Variants in BAZ2B observed in about 807,000 individuals in gnomAD.
BAZ2B encodes the protein bromodomain adjacent to zinc finger domain 2B, also known as bromodomain adjacent to zinc finger domain protein 2B.
BAZ2B carries 91 observed loss-of-function variants against 246.0 expected under a neutral mutation model. That is an observed-to-expected ratio of 0.37 (90% CI 0.31 to 0.44). BAZ2B has a LOEUF of 0.44. BAZ2B is among the 20% of genes least tolerant of loss of function. The pLI is 1.00. For missense variants in BAZ2B, 2,332 were observed against 2,533.7 expected (o/e 0.92, Z 1.71); for synonymous variants, 855 against 860.0 (o/e 0.99, Z 0.10).
At chr2:159,651,796 A>G in the BAZ2B span, among the ~76,000 whole-genome samples, 1 of 152,106 alleles carries the variant, frequency 6.6e-6, no homozygotes, top group Non-Finnish European at 1.5e-5. Flanking sequence ...GGAGCCATAA[A>G]ATATGTGGTC....
At chr2:159,606,027 T>A (rs1255313554) in intron 1 of BAZ2B, among the ~76,000 whole-genome samples, 1 of 152,248 alleles carries the variant, frequency 6.6e-6, no homozygotes, top group East Asian at 1.9e-4. Context: ...AACTTTTACT[T>A]CAAATCCCCA....
intron 2 of BAZ2B, chr2:159,555,445 A>C (rs2088981882): frequency 6.6e-6 from 1 of 152,042 alleles, no homozygotes; most frequent in South Asian, 2.1e-4. Context: ...AATCTCAAGT[A>C]ATTTACTTTT....
At chr2:159,517,706 C>G (rs1462854569) in intron 2 of BAZ2B, among the ~76,000 whole-genome samples, 1 of 152,038 alleles carries the variant, frequency 6.6e-6, no homozygotes, top group Non-Finnish European at 1.5e-5. Flanking sequence ...AGAATGATAA[C>G]AAATAACAAA....
rs1262194449 is a variant in BAZ2B, at chr2:159,349,228, C to T, written c.4916G>A (p.Gly1639Asp). 3 of 1,613,958 alleles carry T rather than the reference C, an allele frequency of 1.9e-6. No homozygotes were observed. In the East Asian group the frequency reaches 6.7e-5, roughly 36 times the overall value. The change falls in exon 29 of 37, where the codon GGT becomes GAT. Residue 1639 changes from glycine to aspartate, a missense_variant. Around this residue, in one of 9 missense-constraint regions of BAZ2B, gnomAD observed 676 missense variants for 668.6 expected, o/e 1.01. Transcript: ENST00000392783. ...MGLQFCGWPT[G>D]VVTSNIPFTS... ...AAATGGAATATTAGAAGTAACCACACCAGTGGGCCATCCACAAAACTGAAG... is the reference window on the plus strand; with the variant it reads ...AAATGGAATATTAGAAGTAACCACATCAGTGGGCCATCCACAAAACTGAAG...
chr2:159,680,764 AG>A, the BAZ2B span, among the ~76,000 whole-genome samples: 2 of 152,140 alleles, frequency 1.3e-5, no homozygotes, highest in South Asian at 4.1e-4. Context: ...CCTTTGCAGT[AG>A]GGGCTGTTAC....
chr2:159,612,452 A>C (rs1387256539), intron 1 of BAZ2B, among the ~76,000 whole-genome samples: 3 of 152,130 alleles, frequency 2.0e-5, no homozygotes, highest in Non-Finnish European at 4.4e-5. Flanking sequence ...TAAGGGTCAA[A>C]ATCACCATAT....
the BAZ2B span, among the ~76,000 whole-genome samples, chr2:159,706,540 GTGTT>G: frequency 3.3e-5 from 5 of 152,180 alleles, no homozygotes; most frequent in South Asian, 2.1e-4. Flanking sequence ...GTGTGCGTGT[GTGTT>G]TGTGCACGCA....
the BAZ2B span, among the ~76,000 whole-genome samples, chr2:159,661,941 A>G: frequency 1.3e-5 from 2 of 152,064 alleles, no homozygotes; most frequent in African/African-American, 4.8e-5. Context: ...ATACATTTTC[A>G]TTACTCCCTG....
chr2:159,602,155 A>C (rs1484779451), intron 1 of BAZ2B, among the ~76,000 whole-genome samples: 2 of 152,146 alleles, frequency 1.3e-5, no homozygotes, highest in Non-Finnish European at 2.9e-5. Context: ...AGCAAGATAA[A>C]CCTAGGAGCC....
intron 2 of BAZ2B, among the ~76,000 whole-genome samples, chr2:159,530,958 T>C (rs2085318238): frequency 6.6e-6 from 1 of 150,554 alleles, no homozygotes; most frequent in African/African-American, 2.4e-5. Flanking sequence ...CAACAGAGAC[T>C]CCGTCTCAAA....
intron 27 of BAZ2B, among the ~76,000 whole-genome samples, chr2:159,353,217 T>C (rs1369976372): frequency 6.6e-6 from 1 of 152,212 alleles, no homozygotes; most frequent in East Asian, 1.9e-4. Flanking sequence ...AATTAGTTTC[T>C]AGTTGAAATT....
chr2:159,649,647 A>G, the BAZ2B span, among the ~76,000 whole-genome samples: 2 of 151,426 alleles, frequency 1.3e-5, no homozygotes, highest in Admixed American at 1.3e-4. Flanking sequence ...TTCTCTTATT[A>G]CTATTTGTGA....
chr2:159,320,243 A>G lies in BAZ2B; in HGVS notation c.*22T>C. 1 of 1,509,880 alleles carries G rather than the reference A, an allele frequency of 6.6e-7. No homozygotes were observed. Among genetic ancestry groups the G allele is most frequent in the Non-Finnish European group, 8.8e-7 (1 of 1,140,284 alleles). 93.5% of individuals were successfully genotyped at this position (1,509,880 alleles called of 1,614,324 possible). A position where few individuals can be genotyped will look rare whatever the true frequency, so the allele number is the denominator to read the frequency against. On this transcript the variant is annotated 3_prime_UTR_variant, in exon 37 of 37. Transcript: ENST00000392783. ...CATTTGTCCTTGTTTAGAAGGAAAA[A>G]AATAAAGAGATTATTATAACTTCAG...
At chr2:159,645,265 T>C in the BAZ2B span, among the ~76,000 whole-genome samples, 1 of 139,276 alleles carries the variant, frequency 7.2e-6, no homozygotes, top group African/African-American at 2.6e-5. Flanking sequence ...GAAAGAGCCC[T>C]GTCTCTAAAA....
chr2:159,699,802 A>T, the BAZ2B span, among the ~76,000 whole-genome samples: 1 of 152,158 alleles, frequency 6.6e-6, no homozygotes, highest in Non-Finnish European at 1.5e-5. Context: ...TTATCAACTC[A>T]CAACTCCTAG....
the BAZ2B span, chr2:159,712,324 T>C: frequency 6.6e-6 from 1 of 152,028 alleles, no homozygotes; most frequent in Non-Finnish European, 1.5e-5. Context: ...CAGTGGCGCC[T>C]CGCTGACTCC....
At chr2:159,384,079 C>T (rs1457368182) in intron 23 of BAZ2B, among the ~76,000 whole-genome samples, 2 of 151,952 alleles carry the variant, frequency 1.3e-5, no homozygotes, top group East Asian at 1.9e-4. Context: ...CATACATATG[C>T]ATATACACTA....
intron 2 of BAZ2B, among the ~76,000 whole-genome samples, chr2:159,521,408 T>C (rs2084116494): frequency 6.6e-6 from 1 of 152,066 alleles, no homozygotes; most frequent in Non-Finnish European, 1.5e-5. Flanking sequence ...GATGTGTATA[T>C]TTTCATTTAT....
chr2:159,466,974 C>A (rs2077143939), intron 3 of BAZ2B, among the ~76,000 whole-genome samples: 1 of 152,140 alleles, frequency 6.6e-6, no homozygotes, highest in Non-Finnish European at 1.5e-5. Flanking sequence ...ACGAGCCAGT[C>A]AAGGGGACAC....
Sources: gnomAD v4.1 joint callset for allele counts (sites outside exome capture counted in the v4.1 genomes callset) on GRCh38, gnomAD v4.1.1 for gene constraint, gnomAD v4.1.1 regional missense constraint, MANE v1.5 for transcripts, NCBI Gene and HGNC (gene_info 2026-07-23, HGNC 2026-07-21) for gene names.